TOGARAM1: variants seen among roughly 807,000 people sequenced by gnomAD.
TOGARAM1 encodes the protein TOG array regulator of axonemal microtubules 1.
Under a neutral mutation model 166.6 loss-of-function variants are expected in TOGARAM1, and 100 were observed. That is an observed-to-expected ratio of 0.60 (90% confidence interval 0.51 to 0.71). The LOEUF (loss-of-function observed/expected upper bound fraction) is 0.71, where lower values mean the gene tolerates loss of function less well. Ranked by LOEUF, TOGARAM1 falls within the 30% of genes least tolerant of loss-of-function variation. TOGARAM1 has a pLI of 0.00. For missense variants in TOGARAM1, 2,029 were observed against 2,102.7 expected (o/e 0.96, Z 0.69); for synonymous variants, 758 against 763.8 (o/e 0.99, Z 0.13).
chr14:45,023,866 G>A (rs1360772965), intron 7 of TOGARAM1, among the ~76,000 whole-genome samples: 4 of 152,082 alleles, frequency 2.6e-5, no homozygotes, highest in African/African-American at 9.7e-5. Context: ...TCAGCCTCAT[G>A]AGTAGCTGAG....
At chr14:44,992,233 T>C (rs902355351) in intron 1 of TOGARAM1, among the ~76,000 whole-genome samples, 1 of 152,122 alleles carries the variant, frequency 6.6e-6, no homozygotes, top group Non-Finnish European at 1.5e-5. Context: ...CAGCTATTTT[T>C]TCTAAAGTGT....
intron 10 of TOGARAM1, among the ~76,000 whole-genome samples, chr14:45,030,678 A>C (rs1881108389): frequency 6.6e-6 from 1 of 152,148 alleles, no homozygotes; most frequent in African/African-American, 2.4e-5. Context: ...AAAAACTGGT[A>C]CTGATTTATC....
chr14:45,067,789 T>C (rs980684945), intron 17 of TOGARAM1, among the ~76,000 whole-genome samples: 2 of 152,160 alleles, frequency 1.3e-5, no homozygotes, highest in African/African-American at 4.8e-5. Flanking sequence ...TATTAGTGAA[T>C]AGTCTCAGCT....
At chr14:44,967,341 T>C (rs1286056938) in intron 1 of TOGARAM1, among the ~76,000 whole-genome samples, 1 of 152,174 alleles carries the variant, frequency 6.6e-6, no homozygotes, top group Non-Finnish European at 1.5e-5. Context: ...ATTCATATGC[T>C]GTATCCTACA....
chr14:45,001,216 C>T (rs1222733879), intron 3 of TOGARAM1, among the ~76,000 whole-genome samples: 2 of 152,162 alleles, frequency 1.3e-5, no homozygotes, highest in South Asian at 4.1e-4. Context: ...TTTTGATTTG[C>T]ACTAGACCTC....
intron 11 of TOGARAM1, among the ~76,000 whole-genome samples, chr14:45,036,149 A>C (rs1260686146): frequency 1.3e-5 from 2 of 150,648 alleles, no homozygotes; most frequent in African/African-American, 4.9e-5. Flanking sequence ...AAAAAAAAAA[A>C]AAAAAAAAGT....
intron 16 of TOGARAM1, among the ~76,000 whole-genome samples, chr14:45,060,135 G>A (rs925526518): frequency 6.6e-6 from 1 of 150,436 alleles, no homozygotes; most frequent in Non-Finnish European, 1.5e-5. Context: ...AGCCAGGATG[G>A]TCTCGATCTC....
rs906211400 is a variant in TOGARAM1 at position 45,019,439 on chromosome 14, G to GA, written c.3239-6334dup. 1.0e-3 allele frequency among the ~76,000 whole-genome samples: 149 copies of GA among 144,966 alleles called. 1 individual carries two copies. In the South Asian group the frequency reaches 0.024, roughly 23 times the overall value. On this transcript the variant is annotated intron_variant, in intron 7 of 19. Coordinates refer to ENST00000361462, the MANE Select transcript of TOGARAM1 (RefSeq NM_001308120.2). ...GATTGACACATAAAACTAACACCTG[G>GA]AAAAAAAAAACAAAAACCTTGAGTG...
At chr14:45,064,067 C>T (rs1036095850) in intron 16 of TOGARAM1, among the ~76,000 whole-genome samples, 2 of 152,102 alleles carry the variant, frequency 1.3e-5, no homozygotes, top group Non-Finnish European at 2.9e-5. Context: ...TAGTAATTTT[C>T]TATCCACTGA....
Position 45,068,448 on chromosome 14 carries a change from C to T in TOGARAM1, c.4774C>T (p.Leu1592Phe). 3 of 1,609,000 alleles carry T rather than the reference C, an allele frequency of 1.9e-6. No individual in the cohort carries two copies. The highest frequency in any genetic ancestry group is 2.5e-6 in the Non-Finnish European group (3 of 1,178,124). ...VKIFDAFKSR[L>F]HDSNSKVNLV... ...GATTTTTGATGCTTTTAAATCTCGA[C>T]TTCATGATTCTAATAGTAAAGTAAA... The change falls in exon 18 of 20, where the codon CTT (leucine) becomes TTT (phenylalanine). Residue 1592 changes from leucine (L) to phenylalanine (F), a missense_variant. Leu to Phe is a conservative substitution (Grantham distance 22). Around this residue, in one of 2 missense-constraint regions of TOGARAM1, gnomAD observed 576 missense variants for 670.5 expected, o/e 0.86. Coordinates refer to ENST00000361462, the MANE Select transcript of TOGARAM1 (RefSeq NM_001308120.2).
intron 6 of TOGARAM1, chr14:45,011,750 AG>A (rs1474814816): frequency 5.1e-6 from 2 of 391,204 alleles, no homozygotes; most frequent in Non-Finnish European, 9.2e-6. Flanking sequence ...AAAGGTTGGT[AG>A]TCCAAAAGGT....
intron 5 of TOGARAM1, 68 bp downstream of exon 5, chr14:45,006,335 G>T: frequency 2.6e-6 from 3 of 1,175,646 alleles, no homozygotes; most frequent in South Asian, 3.6e-5. Flanking sequence ...TGCTATTTAA[G>T]GAAAAATCAA....
At position 45,032,187 on chromosome 14, in the gene TOGARAM1, G is replaced by C. The variant is rs765658428; in HGVS notation, c.3659-36G>C. ...AAAGATAAAAATTTTTTTTAAAAAG[G>C]TTCTCTCATAGTTTATTTAATGTAT... On this transcript the variant is annotated intron_variant, in intron 10 of 19. Coordinates refer to ENST00000361462, the MANE Select transcript of TOGARAM1 (RefSeq NM_001308120.2). The C allele has an allele frequency of 3.8e-6, 6 of 1,569,822 alleles. No homozygotes were observed. The East Asian group carries it at 9.1e-5, about 24-fold the overall frequency.
rs542628607 is a variant in TOGARAM1 at position 45,052,433 on chromosome 14, C to T, written c.4314-3C>T. ...AATATACCTGTTTTTCAAATACTCA[C>T]AGGTATTATGGTCGAAAGATGCTGT... is the stretch of plus-strand genomic sequence containing the variant. On this transcript the variant is annotated splice_region_variant and splice_polypyrimidine_tract_variant and intron_variant, in intron 14 of 19. Transcript: ENST00000361462. 1 of 1,606,962 alleles carries T rather than the reference C, an allele frequency of 6.2e-7. No homozygotes were observed. Among genetic ancestry groups the T allele is most frequent in the Admixed American group, 1.7e-5 (1 of 59,356 alleles).
At chr14:44,998,922 A>G (rs551784716) in intron 2 of TOGARAM1, among the ~76,000 whole-genome samples, 2 of 152,306 alleles carry the variant, frequency 1.3e-5, no homozygotes, top group South Asian at 4.1e-4. Flanking sequence ...AGAAAAGAAA[A>G]TAAAAGAGGT....
chr14:45,049,585 G>C (rs73350014), intron 14 of TOGARAM1, among the ~76,000 whole-genome samples: 1 of 152,004 alleles, frequency 6.6e-6, no homozygotes, highest in Non-Finnish European at 1.5e-5. Flanking sequence ...TTAAGCGCTC[G>C]TTTGATTAGA....
At chr14:45,000,062 G>A (rs1566622061) in intron 3 of TOGARAM1, among the ~76,000 whole-genome samples, 1 of 151,830 alleles carries the variant, frequency 6.6e-6, no homozygotes, top group Admixed American at 6.6e-5. Context: ...GCAGGATCTC[G>A]GCTCACTGCG....
Position 44,995,780 on chromosome 14 carries a change from T to C in TOGARAM1, c.2081T>C (p.Leu694Ser). 1 of 1,592,528 alleles carries C rather than the reference T, an allele frequency of 6.3e-7. No homozygotes were observed. The highest frequency in any genetic ancestry group is 8.5e-7 in the Non-Finnish European group (1 of 1,171,482). The part of the protein sequence containing the change: ...STYDFIPSAK[L>S]KLSQGMPVND... ...TATGATTTCATCCCATCTGCAAAAT[T>C]AAAGCTTTCTCAAGGAATGCCAGTC... Residue 694 changes from leucine to serine, a missense_variant, in exon 2 of 20, where the codon TTA (leucine) becomes TCA (serine). Coordinates refer to ENST00000361462, the MANE Select transcript of TOGARAM1 (RefSeq NM_001308120.2).
At chr14:44,967,378 C>G (rs1885616790) in intron 1 of TOGARAM1, among the ~76,000 whole-genome samples, 2 of 151,994 alleles carry the variant, frequency 1.3e-5, no homozygotes, top group Admixed American at 1.3e-4. Flanking sequence ...CACAAAATTG[C>G]TAGACCAGCA....
Sources: gnomAD v4.1 joint callset for allele counts (sites outside exome capture counted in the v4.1 genomes callset) on GRCh38, gnomAD v4.1.1 for gene constraint, gnomAD v4.1.1 regional missense constraint, MANE v1.5 for transcripts, NCBI Gene and HGNC (gene_info 2026-07-23, HGNC 2026-07-21) for gene names.